The following DTL variants were observed in gnomAD, a reference collection of about 807,000 sequenced individuals.
DTL encodes denticleless E3 ubiquitin protein ligase adapter, also known as denticleless protein homolog.
A neutral mutation model predicts 87.0 loss-of-function variants in DTL; 46 were observed. The ratio of observed to expected loss-of-function variants is 0.53; its 90% CI spans 0.42 to 0.68. DTL has a LOEUF of 0.68. Ranked by LOEUF, DTL falls within the 30% of genes least tolerant of loss-of-function variation. DTL has a pLI of 0.00. For missense variants in DTL, 737 were observed against 869.4 expected (o/e 0.85, Z 1.91); for synonymous variants, 308 against 311.2 (o/e 0.99, Z 0.11).
At chr1:212,059,441 T>C (rs1167131723) in intron 5 of DTL, among the ~76,000 whole-genome samples, 2 of 152,058 alleles carry the variant, frequency 1.3e-5, no homozygotes, top group Non-Finnish European at 2.9e-5. Context: ...TTTTAGTAGA[T>C]AGAGAAAAAT....
intron 1 of DTL, among the ~76,000 whole-genome samples, chr1:212,041,749 G>T (rs1334491241): frequency 6.6e-6 from 1 of 151,998 alleles, no homozygotes; most frequent in Non-Finnish European, 1.5e-5. Context: ...TGACCTCGTG[G>T]TCCGCCTGCC....
chr1:212,086,843 C>T (rs115420573), intron 13 of DTL, among the ~76,000 whole-genome samples: 110 of 152,268 alleles, frequency 7.2e-4, no homozygotes, highest in Non-Finnish European at 1.2e-3. Flanking sequence ...TTTAGGGTCC[C>T]CCTTCCCATT....
Position 212,035,804 on chromosome 1 carries a change from T to C in DTL, c.-87T>C. On this transcript the variant is annotated 5_prime_UTR_variant, in exon 1 of 15. Transcript: ENST00000366991. ...GAGTTGGAGGCGATAACGATTTGTG[T>C]TGTGAGAGGCGCAAGCTGCGATTTC... 1 of 1,330,446 alleles carries C rather than the reference T, an allele frequency of 7.5e-7. No homozygotes were observed. Among genetic ancestry groups the C allele is most frequent in the Non-Finnish European group, 1.1e-6 (1 of 936,292 alleles). The allele number at this position is 1,330,446 out of a possible 1,614,324, so 82.4% of individuals were successfully genotyped here. A position where few individuals can be genotyped will look rare whatever the true frequency, so the allele number is the denominator to read the frequency against.
At position 212,055,685 on chromosome 1, in the gene DTL, T is replaced by G. The variant is rs760377671; in HGVS notation, c.461-7199T>G. Among the ~76,000 whole-genome samples, 9 of 152,298 alleles carry G rather than the reference T, an allele frequency of 5.9e-5. No homozygotes were observed. In the East Asian group the frequency reaches 7.7e-4, roughly 13 times the overall value. On this transcript the variant is annotated intron_variant, in intron 5 of 14. Coordinates refer to ENST00000366991, the MANE Select transcript of DTL (RefSeq NM_016448.4). The stretch of plus-strand genomic sequence containing the variant: ...AGGGAAAGCAACCCCACTCTGCATG[T>G]CAGTACTGCAGCATAGCTGCTGCTG...
chr1:212,066,385 C>T (rs897703934), intron 7 of DTL, among the ~76,000 whole-genome samples: 1 of 152,150 alleles, frequency 6.6e-6, no homozygotes, highest in African/African-American at 2.4e-5. Flanking sequence ...TCCACTGGGC[C>T]TCTTTTTCAG....
At chr1:212,059,428 T>C (rs1041269831) in intron 5 of DTL, among the ~76,000 whole-genome samples, 2 of 152,072 alleles carry the variant, frequency 1.3e-5, no homozygotes, top group Non-Finnish European at 2.9e-5. Context: ...AACCATATGA[T>C]CATTTTAGTA....
Position 212,100,407 on chromosome 1 carries a change from C to G in DTL, c.1417C>G (p.Pro473Ala). The G allele has an allele frequency of 6.2e-7, 1 of 1,614,018 alleles. No individual in the cohort carries two copies. The highest frequency in any genetic ancestry group is 8.5e-7 in the Non-Finnish European group (1 of 1,179,976). ...TCCTACGTTCTCTATTAAAACCTCT[C>G]CTGCCAAGGCCCGGTCTCCCATCAA... The part of the protein sequence containing the change: ...NTPTFSIKTS[P>A]AKARSPINRR... The change falls in exon 14 of 15, where the codon CCT becomes GCT. Residue 473 changes from proline (P) to alanine (A), a missense_variant. Pro to Ala is a conservative substitution (Grantham distance 27, BLOSUM62 -1). Transcript: ENST00000366991.
chr1:212,100,589 T>C lies in DTL; in HGVS notation c.1599T>C (p.Pro533=). The change falls in exon 14 of 15, where the codon CCT becomes CCC. Residue 533 remains proline, a synonymous_variant. Coordinates refer to ENST00000366991, the MANE Select transcript of DTL (RefSeq NM_016448.4). ...TGTCTCCGAGAAAAGCCCTTATTCC[T>C]GTGAGCCAGAAGTCATCCCAAGCAG... ...KIMSPRKALI[P]VSQKSSQAEA... The C allele has an allele frequency of 6.2e-7, 1 of 1,614,038 alleles. No homozygotes were observed. The highest frequency in any genetic ancestry group is 8.5e-7 in the Non-Finnish European group (1 of 1,180,000).
At chr1:212,051,878 C>G (rs540845332) in intron 5 of DTL, 1 of 867,364 alleles carries the variant, frequency 1.2e-6, no homozygotes, top group African/African-American at 1.7e-5. Flanking sequence ...TACCCGTTCC[C>G]TTGATGTCTA....
intron 11 of DTL, among the ~76,000 whole-genome samples, chr1:212,074,097 T>A (rs1461628186): frequency 6.6e-6 from 1 of 151,852 alleles, no homozygotes; most frequent in African/African-American, 2.4e-5. Context: ...ATAAGAATAA[T>A]TCAAAAAATA....
chr1:212,068,740 A>T, intron 10 of DTL, 37 bp downstream of exon 10: 1 of 1,356,206 alleles, frequency 7.4e-7, no homozygotes, highest in Non-Finnish European at 1.0e-6. Flanking sequence ...TTACCAGGAA[A>T]GCATTATGGG....
At chr1:212,052,076 CT>C (rs370950538) in intron 5 of DTL, 14 of 817,826 alleles carry the variant, frequency 1.7e-5, no homozygotes, top group East Asian at 7.6e-5. Context: ...GGGTCAACAG[CT>C]TTTTTTTCCT....
intron 1 of DTL, among the ~76,000 whole-genome samples, chr1:212,041,123 C>G (rs1253114591): frequency 3.3e-5 from 5 of 152,118 alleles, no homozygotes; most frequent in Admixed American, 3.3e-4. Context: ...ATTACAGTTT[C>G]ATGTTCATAA....
intron 5 of DTL, among the ~76,000 whole-genome samples, chr1:212,055,362 A>T (rs1384716629): frequency 6.6e-6 from 1 of 152,114 alleles, no homozygotes; most frequent in Non-Finnish European, 1.5e-5. Context: ...TGGAGACTTC[A>T]TGAAGGCATT....
intron 5 of DTL, among the ~76,000 whole-genome samples, chr1:212,048,662 T>C (rs1667874166): frequency 6.6e-6 from 1 of 151,978 alleles, no homozygotes; most frequent in Admixed American, 6.5e-5. Flanking sequence ...CATTTCTGTT[T>C]TTGTTTGTTT....
At chr1:212,040,179 A>C (rs548239025) in intron 1 of DTL, among the ~76,000 whole-genome samples, 114 of 151,726 alleles carry the variant, frequency 7.5e-4, no homozygotes, top group African/African-American at 2.6e-3. Context: ...TTTTTATTTT[A>C]AATGTTTTTC....
At chr1:212,062,299 A>G (rs1304026561) in intron 5 of DTL, among the ~76,000 whole-genome samples, 2 of 152,230 alleles carry the variant, frequency 1.3e-5, no homozygotes, top group Admixed American at 6.5e-5. Context: ...AGAATAAAAC[A>G]TTACAGATAA....
intron 5 of DTL, among the ~76,000 whole-genome samples, chr1:212,056,560 C>G (rs1200190367): frequency 2.0e-5 from 3 of 152,066 alleles, no homozygotes; most frequent in Non-Finnish European, 1.5e-5. Flanking sequence ...GCACAAATAT[C>G]AACATAAAAA....
intron 3 of DTL, among the ~76,000 whole-genome samples, chr1:212,045,616 T>C (rs1667786494): frequency 6.6e-6 from 1 of 152,290 alleles, no homozygotes; most frequent in Admixed American, 6.5e-5. Context: ...GAGAAAGCTC[T>C]CATGTAGTAA....
Sources: allele counts gnomAD v4.1 joint callset (sites outside exome capture counted in the v4.1 genomes callset), GRCh38; gene constraint gnomAD v4.1.1; transcripts MANE v1.5; gene names NCBI Gene and HGNC (gene_info 2026-07-23, HGNC 2026-07-21).